The following PLCD1 variants were observed in gnomAD, a reference collection of about 807,000 sequenced individuals.
The protein encoded by PLCD1 is 1-phosphatidylinositol 4,5-bisphosphate phosphodiesterase delta-1.
A neutral mutation model predicts 87.4 loss-of-function variants in PLCD1; 71 were observed. The ratio of observed to expected loss-of-function variants is 0.81; its 90% CI spans 0.67 to 0.99. The LOEUF is 0.99. Among genes scored for constraint, PLCD1 ranks in the 50% least tolerant of loss-of-function variants. The pLI is 0.00. For synonymous variants in PLCD1, 348 were observed against 399.2 expected, an observed-to-expected ratio of 0.87 and a Z score of 1.53; for missense variants, 867 against 1,001.5, an observed-to-expected ratio of 0.87 and a Z score of 1.81.
intron 2 of PLCD1, 31 bp from the exon 3 acceptor site, chr3:38,016,750 G>A: frequency 2.1e-6 from 3 of 1,460,560 alleles, no homozygotes; most frequent in Non-Finnish European, 2.8e-6. Flanking sequence ...AGGAGAGAGG[G>A]AGAGAATGCT....
At chr3:38,009,453 G>A (rs780649514) in intron 9 of PLCD1, 22 bp from the exon 10 acceptor site, 94 of 1,613,620 alleles carry the variant, frequency 5.8e-5, no homozygotes, top group Non-Finnish European at 7.2e-5. Flanking sequence ...GGGGAGGCCC[G>A]GGTTAGATTC....
chr3:38,024,081 G>A, intron 1 of PLCD1: 1 of 505,432 alleles, frequency 2.0e-6, no homozygotes, highest in Non-Finnish European at 3.5e-6. Flanking sequence ...AAGGCGTCGG[G>A]TGACAAGGGA....
rs1168025657 is a variant in PLCD1, at chr3:38,016,685, C to T, written c.234G>A (p.Gly78=). ...ACTTCTCCAGACCCTCCGTGCGGTG[C>T]CCCATTCGCACCTCCTGAATGTCCT... is the stretch of plus-strand genomic sequence containing the variant. ...SIEDIQEVRM[G]HRTEGLEKFA... is the part of the protein sequence containing the mutation. Residue 78 remains glycine, a synonymous_variant, in exon 3 of 15, where the codon GGG becomes GGA. Transcript: ENST00000334661. 1 of 1,571,166 alleles carries T rather than the reference C, an allele frequency of 6.4e-7. No individual in the cohort carries two copies.
Position 38,008,252 on chromosome 3 carries a change from G to A in PLCD1, c.2018C>T (p.Ala673Val), listed in dbSNP as rs1575344702. 4 of 1,614,130 alleles carry A rather than the reference G, an allele frequency of 2.5e-6. No individual in the cohort carries two copies. The East Asian group carries it at 8.9e-5, about 36-fold the overall frequency. The change falls in exon 13 of 15, where the codon GCT becomes GTT. Residue 673 changes from alanine to valine, a missense_variant. Transcript: ENST00000334661. ...VSRDVASRQT[A>V]VITNNGFNPW... ...GCACCTACCATTGTTGGTGATGACA[G>A]CAGTCTGGCGGCTGGCCACGTCCCG...
intron 3 of PLCD1, 34 bp downstream of exon 3, chr3:38,016,457 G>A: frequency 6.8e-7 from 1 of 1,461,788 alleles, no homozygotes; most frequent in Non-Finnish European, 9.6e-7. Flanking sequence ...GTGTCCACAA[G>A]CCAGGCCTGG....
intron 1 of PLCD1, among the ~76,000 whole-genome samples, chr3:38,028,505 C>A (rs1275115354): frequency 6.6e-6 from 1 of 152,204 alleles, no homozygotes; most frequent in Non-Finnish European, 1.5e-5. Context: ...CCTTCTCTTT[C>A]CCATCTATTA....
At position 38,010,383 on chromosome 3, in the gene PLCD1, T is replaced by C. The variant is rs751793539; in HGVS notation, c.970A>G (p.Ser324Gly). 2 of 1,614,078 alleles carry C rather than the reference T, an allele frequency of 1.2e-6. No individual in the cohort carries two copies. The highest frequency in any genetic ancestry group is 1.7e-6 in the Non-Finnish European group (2 of 1,180,040). Residue 324 changes from serine (S) to glycine (G), a missense_variant, in exon 6 of 15, where the codon AGC becomes GGC. Transcript: ENST00000334661. Reference sequence around the variant, plus strand: ...CACCGGATGTAGGCTTCAGTGCTGCTGGGCCCGGCTAGCTGGTCCTCCAGC... The same window carrying C: ...CACCGGATGTAGGCTTCAGTGCTGCCGGGCCCGGCTAGCTGGTCCTCCAGC... ...YLLEDQLAGP[S>G]STEAYIRALC...
At chr3:38,011,831 T>C (rs531290168) in intron 3 of PLCD1, among the ~76,000 whole-genome samples, 158 bp from the exon 4 acceptor site, 1 of 152,038 alleles carries the variant, frequency 6.6e-6, no homozygotes, top group South Asian at 2.1e-4. Flanking sequence ...CAGAGGAAAA[T>C]GTTAAGGGGT....
intron 1 of PLCD1, chr3:38,024,393 T>C: frequency 6.2e-7 from 1 of 1,612,746 alleles, no homozygotes; most frequent in Non-Finnish European, 8.5e-7. Context: ...CAGGTAGAGC[T>C]CCCTGGAGCG....
chr3:38,009,852 C>T (rs1700040322), intron 8 of PLCD1, 41 bp from the exon 9 acceptor site: 1 of 1,610,140 alleles, frequency 6.2e-7, no homozygotes, highest in Non-Finnish European at 8.5e-7. Flanking sequence ...CACCTAGCGC[C>T]CCGGCTAGGC....
chr3:38,029,161 C>T (rs573537615), intron 1 of PLCD1, among the ~76,000 whole-genome samples: 78 of 152,262 alleles, frequency 5.1e-4, no homozygotes, highest in Non-Finnish European at 9.3e-4. Flanking sequence ...CTGTTTCCTT[C>T]CTTCGCCGCC....
At chr3:38,013,287 A>G (rs1428966351) in intron 3 of PLCD1, among the ~76,000 whole-genome samples, 1 of 142,898 alleles carries the variant, frequency 7.0e-6, no homozygotes, top group Non-Finnish European at 1.5e-5. Context: ...ATCTTGGCTC[A>G]CTGCAAGCTC....
intron 1 of PLCD1, among the ~76,000 whole-genome samples, chr3:38,021,699 T>C (rs1700236302): frequency 6.6e-6 from 1 of 152,220 alleles, no homozygotes; most frequent in Non-Finnish European, 1.5e-5. Flanking sequence ...CCTAGAACTA[T>C]GTGGCCCATC....
In PLCD1 at chr3:38,008,558, T is replaced by C; in HGVS notation, c.1802A>G (p.Tyr601Cys). ...TCGCAGGAAGGCGGGCTTCAGCACG[T>C]ACCCACAGGCCCCGTTGTCCTGGAA... is the stretch of plus-strand genomic sequence containing the variant. ...GRFQDNGACG[Y>C]VLKPAFLRDP... is the part of the protein sequence containing the mutation. The change falls in exon 12 of 15, where the codon TAC becomes TGC. Residue 601 changes from tyrosine to cysteine, a missense_variant. Transcript: ENST00000334661. 1 of 1,614,188 alleles carries C rather than the reference T, an allele frequency of 6.2e-7. No homozygotes were observed. The highest frequency in any genetic ancestry group is 8.5e-7 in the Non-Finnish European group (1 of 1,180,010).
At position 38,009,540 on chromosome 3, in the gene PLCD1, G is replaced by A. The variant is rs1700032984; in HGVS notation, c.1447-109C>T. ...AGACAGAGGGAGACAGACAGAGAGAGCGGGGCAGAGGGTCTGAGTGGCAGC... is the reference window on the plus strand; with the variant it reads ...AGACAGAGGGAGACAGACAGAGAGAACGGGGCAGAGGGTCTGAGTGGCAGC... On this transcript the variant is annotated intron_variant, in intron 9 of 14. Transcript: ENST00000334661. The A allele has an allele frequency of 1.9e-6, 3 of 1,551,234 alleles. No homozygotes were observed. The Admixed American group carries it at 5.1e-5, about 26-fold the overall frequency.
At chr3:38,015,973 G>C (rs1245044156) in intron 3 of PLCD1, among the ~76,000 whole-genome samples, 1 of 152,192 alleles carries the variant, frequency 6.6e-6, no homozygotes, top group Non-Finnish European at 1.5e-5. Context: ...GAGCAGCAGA[G>C]CTATTTGGGC....
intron 3 of PLCD1, among the ~76,000 whole-genome samples, chr3:38,015,997 G>A (rs1700148971): frequency 6.6e-6 from 1 of 152,160 alleles, no homozygotes; most frequent in African/African-American, 2.4e-5. Context: ...GGTCAGACTA[G>A]ACCAAAGAGG....
intron 11 of PLCD1, 73 bp downstream of exon 11, chr3:38,008,969 T>C: frequency 8.0e-7 from 1 of 1,256,028 alleles, no homozygotes; most frequent in Admixed American, 1.7e-5. Context: ...TGCATGGCCT[T>C]CGAGGCTCCA....
chr3:38,029,251 G>A (rs1700337786), intron 1 of PLCD1, among the ~76,000 whole-genome samples: 1 of 152,240 alleles, frequency 6.6e-6, no homozygotes, highest in African/African-American at 2.4e-5. Flanking sequence ...GAAGTCTTTA[G>A]ACCCGTACCG....
Sources: gnomAD v4.1 joint callset for allele counts (sites outside exome capture counted in the v4.1 genomes callset) on GRCh38, gnomAD v4.1.1 for gene constraint, MANE v1.5 for transcripts, NCBI Gene and HGNC (gene_info 2026-07-23, HGNC 2026-07-21) for gene names.